The following HTR1D variants were observed in gnomAD, a reference collection of about 807,000 sequenced individuals.
The protein encoded by HTR1D is 5-hydroxytryptamine receptor 1D.
Under a neutral mutation model 21.1 loss-of-function variants are expected in HTR1D, and 18 were observed. The ratio of observed to expected loss-of-function variants is 0.85; its 90% CI spans 0.59 to 1.27. HTR1D has a LOEUF of 1.27. Ranked by LOEUF, HTR1D falls within the 50% of genes most tolerant of loss-of-function variation. The pLI, the probability that HTR1D is intolerant of heterozygous loss-of-function variation, is 0.00. For missense variants in HTR1D, 456 were observed against 481.4 expected (o/e 0.95, Z 0.49); for synonymous variants, 196 against 204.4 (o/e 0.96, Z 0.35).
chr1:23,216,139 G>C (rs1040689195), intron 1 of HTR1D, among the ~76,000 whole-genome samples: 1 of 152,190 alleles, frequency 6.6e-6, no homozygotes, highest in Non-Finnish European at 1.5e-5. Flanking sequence ...CTTGTGAGGA[G>C]GGCTGAGACC....
intron 1 of HTR1D, among the ~76,000 whole-genome samples, chr1:23,202,713 G>T (rs529357458): frequency 6.6e-6 from 1 of 152,276 alleles, no homozygotes; most frequent in South Asian, 2.1e-4. Context: ...TCTGGATGGA[G>T]AAATCACTCT....
chr1:23,208,764 C>T (rs1447391039), intron 1 of HTR1D, among the ~76,000 whole-genome samples: 1 of 152,050 alleles, frequency 6.6e-6, no homozygotes, highest in Non-Finnish European at 1.5e-5. Context: ...CTCCCAGCCA[C>T]ACAGGTAATA....
intron 1 of HTR1D, among the ~76,000 whole-genome samples, chr1:23,199,729 G>T (rs912261873): frequency 1.3e-5 from 2 of 152,088 alleles, no homozygotes; most frequent in East Asian, 3.9e-4. Flanking sequence ...GGCGGGGAAG[G>T]AGTCTTCCTC....
chr1:23,213,730 T>C (rs1644763025), intron 1 of HTR1D, among the ~76,000 whole-genome samples: 1 of 152,162 alleles, frequency 6.6e-6, no homozygotes, highest in Non-Finnish European at 1.5e-5. Context: ...AAATTTTTTT[T>C]GTTTGTTTTT....
At chr1:23,209,999 C>A (rs1351097755) in intron 1 of HTR1D, among the ~76,000 whole-genome samples, 1 of 152,072 alleles carries the variant, frequency 6.6e-6, no homozygotes, top group African/African-American at 2.4e-5. Flanking sequence ...GGTGACTGGG[C>A]GCTTCTCACA....
Position 23,217,098 on chromosome 1 carries a change from C to A in HTR1D, c.-783+193G>T, listed in dbSNP as rs1408176262. Among the ~76,000 whole-genome samples, 14 of 151,920 alleles carry A rather than the reference C, an allele frequency of 9.2e-5. No individual in the cohort carries two copies. The highest frequency in any genetic ancestry group is 2.9e-5 in the Non-Finnish European group (2 of 67,896). On this transcript the variant is annotated intron_variant, in intron 1 of 1. Transcript: ENST00000374619. This position sits in a 1 kb window ranked among gnomAD's most constrained non-coding sequence, Gnocchi z 4.6. Reference sequence around the variant, plus strand: ...CTCCCTTTTCTCCCGGGGCTCTGGACGGCCACCCCCGGTGGCCTCCCTCCG... The same window carrying A: ...CTCCCTTTTCTCCCGGGGCTCTGGAAGGCCACCCCCGGTGGCCTCCCTCCG...
chr1:23,202,392 CAGCAAAAGCTGGCCTCTTACAAA>C (rs1310986159), intron 1 of HTR1D, among the ~76,000 whole-genome samples: 4 of 152,102 alleles, frequency 2.6e-5, no homozygotes, highest in Admixed American at 6.6e-5. Context: ...CGCACCTGGC[CAGCAAAAGCTGGCCTCTTACAAA>C]AGCAAAAGCT....
In HTR1D at chr1:23,191,938, C is replaced by G. The variant is rs1644658565; in HGVS notation, c.*1148G>C. The G allele has an allele frequency of 6.6e-6, 1 of 151,322 alleles. No individual in the cohort carries two copies. Among genetic ancestry groups the G allele is most frequent in the Non-Finnish European group, 1.5e-5 (1 of 67,960 alleles). 9.4% of individuals were successfully genotyped at this position (151,322 alleles called of 1,614,324 possible). A position where few individuals can be genotyped will look rare whatever the true frequency, so the allele number is the denominator to read the frequency against. On this transcript the variant is annotated 3_prime_UTR_variant, in exon 2 of 2. Transcript: ENST00000374619. ...CTTTTTATTTGATAAGACTCAACAT[C>G]TCTAATGAGTTTTCAGATCTCTAAT... is the stretch of plus-strand genomic sequence containing the variant.
At chr1:23,208,590 A>G (rs767875719) in intron 1 of HTR1D, among the ~76,000 whole-genome samples, 65 of 152,026 alleles carry the variant, frequency 4.3e-4, no homozygotes, top group Admixed American at 5.2e-4. Context: ...AAAAAAAGAA[A>G]GAAAGAAAAA....
At chr1:23,207,317 G>A (rs1644735602) in intron 1 of HTR1D, among the ~76,000 whole-genome samples, 1 of 152,158 alleles carries the variant, frequency 6.6e-6, no homozygotes, top group African/African-American at 2.4e-5. Context: ...GCTGAGGCAG[G>A]AGAATCGCTT....
chr1:23,207,595 G>C (rs1644737100), intron 1 of HTR1D, among the ~76,000 whole-genome samples: 1 of 152,124 alleles, frequency 6.6e-6, no homozygotes, highest in Non-Finnish European at 1.5e-5. Flanking sequence ...CCTTAAAAAA[G>C]TCAAAGACAG....
At chr1:23,212,902 C>T (rs1364995435) in intron 1 of HTR1D, among the ~76,000 whole-genome samples, 3 of 151,876 alleles carry the variant, frequency 2.0e-5, no homozygotes, top group African/African-American at 7.3e-5. Context: ...TCTCCACTCA[C>T]TGCAACCTCT....
rs8192528 is a variant in HTR1D, at chr1:23,194,055, G to A, written c.165C>T (p.Ser55=). The A allele has an allele frequency of 6.2e-7, 1 of 1,614,170 alleles. No individual in the cohort carries two copies. The highest frequency in any genetic ancestry group is 8.5e-7 in the Non-Finnish European group (1 of 1,180,036). Reference sequence around the variant, plus strand: ...AGATGGTGGTGAGTACAAAGGCATTGGAGAGGACTGTGGCCAGTGTGATGA... The same window carrying A: ...AGATGGTGGTGAGTACAAAGGCATTAGAGAGGACTGTGGCCAGTGTGATGA... ...LSVITLATVL[S]NAFVLTTILL... The change falls in exon 2 of 2, where the codon TCC becomes TCT. Residue 55 remains serine (S), a synonymous_variant. Coordinates refer to ENST00000374619, the MANE Select transcript of HTR1D (RefSeq NM_000864.5).
At chr1:23,216,911 G>C (rs1644776251) in intron 1 of HTR1D, among the ~76,000 whole-genome samples, 1 of 152,030 alleles carries the variant, frequency 6.6e-6, no homozygotes, top group Admixed American at 6.5e-5. Context: ...AACCTGGCCA[G>C]CAGGGGGCAG....
At position 23,193,891 on chromosome 1, in the gene HTR1D, A is replaced by G; in HGVS notation, c.329T>C (p.Leu110Ser). The G allele has an allele frequency of 6.2e-7, 1 of 1,614,234 alleles. No homozygotes were observed. Among genetic ancestry groups the G allele is most frequent in the Non-Finnish European group, 8.5e-7 (1 of 1,180,048 alleles). Residue 110 changes from leucine to serine, a missense_variant, in exon 2 of 2, where the codon TTG becomes TCG. Transcript: ENST00000374619. ...ITHTWNFGQI[L>S]CDIWLSSDIT... The stretch of plus-strand genomic sequence containing the variant: ...GTCAGAGGACAGCCAGATGTCACAC[A>G]AGATTTGGCCAAAGTTCCAGGTGTG...
intron 1 of HTR1D, among the ~76,000 whole-genome samples, chr1:23,206,126 C>G (rs1182478087): frequency 6.6e-6 from 1 of 151,944 alleles, no homozygotes; most frequent in Non-Finnish European, 1.5e-5. Flanking sequence ...ACTGCAAGCT[C>G]CGCCTCCTGG....
intron 1 of HTR1D, among the ~76,000 whole-genome samples, chr1:23,200,250 T>C (rs888328237): frequency 6.6e-6 from 1 of 152,124 alleles, no homozygotes; most frequent in Admixed American, 6.6e-5. Context: ...GAGTATTGAG[T>C]AGCGCCAGCA....
At chr1:23,212,920 G>A (rs921549319) in intron 1 of HTR1D, among the ~76,000 whole-genome samples, 24 of 151,650 alleles carry the variant, frequency 1.6e-4, no homozygotes, top group Admixed American at 5.9e-4. Context: ...TCTGCCTCCC[G>A]GGTTCAAGCG....
At chr1:23,197,831 G>A (rs914557888) in intron 1 of HTR1D, among the ~76,000 whole-genome samples, 2 of 151,730 alleles carry the variant, frequency 1.3e-5, no homozygotes, top group African/African-American at 2.4e-5. Flanking sequence ...GGGCCCAGGA[G>A]TTCAAGACCA....
Sources: allele counts gnomAD v4.1 joint callset (sites outside exome capture counted in the v4.1 genomes callset), GRCh38; gene constraint gnomAD v4.1.1; non-coding constraint Gnocchi (gnomAD v3.1); transcripts MANE v1.5; gene names NCBI Gene and HGNC (gene_info 2026-07-23, HGNC 2026-07-21).